Variants in HUWE1 observed in about 807,000 individuals in gnomAD.
The protein encoded by HUWE1 is HECT, UBA and WWE domain containing E3 ubiquitin protein ligase 1, also known as E3 ubiquitin-protein ligase HUWE1.
In HUWE1, 18 loss-of-function variants were observed where a neutral mutation model predicts 299.4. That is an observed-to-expected ratio of 0.06 (90% CI 0.04 to 0.09). HUWE1 has a LOEUF of 0.09. Ranked by LOEUF, HUWE1 falls within the 10% of genes least tolerant of loss-of-function variation. The pLI, the probability that HUWE1 is intolerant of heterozygous loss-of-function variation, is 1.00. For missense variants in HUWE1, 1,832 were observed against 3,462.3 expected, an observed-to-expected ratio of 0.53 and a Z score of 11.82; for synonymous variants, 1,317 against 1,286.1, an observed-to-expected ratio of 1.02 and a Z score of -0.51.
intron 19 of HUWE1, among the ~76,000 whole-genome samples, chrX:53,618,659 G>A (rs1557009748): frequency 9.3e-6 from 1 of 107,890 alleles, no homozygotes; most frequent in African/African-American, 3.4e-5. Context: ...CCACCTCCTG[G>A]GTTCAAGCAA....
intron 27 of HUWE1, 101 bp downstream of exon 27, chrX:53,603,267 T>A: frequency 1.2e-6 from 1 of 848,734 alleles, no homozygotes; most frequent in Non-Finnish European, 1.7e-6. Context: ...CAAGGAGGCC[T>A]CTGAACTCTC....
At chrX:53,573,703 T>C (rs782778946) in intron 47 of HUWE1, 47 bp downstream of exon 47, 3 of 1,047,365 alleles carry the variant, frequency 2.9e-6, no homozygotes, top group South Asian at 3.8e-5. Context: ...GGTACCCAAA[T>C]GATGGAAGTA....
chrX:53,577,208 T>C (rs1556959668), intron 43 of HUWE1, 141 bp from the exon 44 acceptor site: 3 of 505,139 alleles, frequency 5.9e-6, no homozygotes, highest in East Asian at 3.6e-5. Context: ...TCAAGTACTC[T>C]ACTATAAAAC....
intron 35 of HUWE1, 61 bp from the exon 36 acceptor site, chrX:53,589,877 G>C: frequency 3.7e-6 from 4 of 1,088,633 alleles, no homozygotes; most frequent in Non-Finnish European, 5.0e-6. Flanking sequence ...AAAGATAAGA[G>C]AGACTCTGAG....
chrX:53,585,057 A>G lies in HUWE1; in HGVS notation c.4956T>C (p.Thr1652=). 8.3e-7 allele frequency: 1 copy of G among 1,211,972 alleles called. No homozygotes were observed. The highest frequency in any genetic ancestry group is 1.7e-5 in the African/African-American group (1 of 57,828). ...WKSGETSVRF[T]AGRRRYTVQF... ...GGACCGTGTATCTTCTTCGGCCTGC[A>G]GTGAATCGCACGCTTGTCTCTCCAG... The change falls in exon 40 of 84, where the codon ACT becomes ACC. Residue 1652 remains threonine (T), a synonymous_variant. Transcript: ENST00000262854.
chrX:53,603,424 T>C lies in HUWE1; in HGVS notation c.2820A>G (p.Leu940=), dbSNP rs782009607. 19 of 1,208,204 alleles carry C rather than the reference T, an allele frequency of 1.6e-5. No homozygotes were observed. Among genetic ancestry groups the C allele is most frequent in the Middle Eastern group, 2.3e-4 (1 of 4,344 alleles). ...GLSVLSKLSQ[L]YCSLVWESTV... Reference sequence around the variant, plus strand: ...TGCTTTCCCACACCAGGGAACAGTATAACTGGCTCAGCTTGCTCAAAACAC... The same window carrying C: ...TGCTTTCCCACACCAGGGAACAGTACAACTGGCTCAGCTTGCTCAAAACAC... Residue 940 remains leucine (L), a synonymous_variant, in exon 27 of 84, where the codon TTA becomes TTG. Coordinates refer to ENST00000262854, the MANE Select transcript of HUWE1 (RefSeq NM_031407.7).
At chrX:53,668,417 G>A (rs2069356527) in intron 3 of HUWE1, among the ~76,000 whole-genome samples, 1 of 102,168 alleles carries the variant, frequency 9.8e-6, no homozygotes, top group African/African-American at 3.7e-5. Context: ...CCTCCAGCCT[G>A]AGTGACAAAG....
chrX:53,624,728 G>A, intron 18 of HUWE1, 53 bp from the exon 19 acceptor site: 1 of 871,630 alleles, frequency 1.1e-6, no homozygotes, highest in Non-Finnish European at 1.7e-6. Flanking sequence ...AAAGGTGTGA[G>A]GAGTGGGGAT....
intron 49 of HUWE1, 72 bp from the exon 50 acceptor site, chrX:53,565,311 A>C (rs145257079): frequency 3.3e-6 from 3 of 903,471 alleles, no homozygotes; most frequent in Non-Finnish European, 4.7e-6. Context: ...AATGACACTA[A>C]GCTTCTTACA....
intron 32 of HUWE1, among the ~76,000 whole-genome samples, chrX:53,592,934 G>C (rs782271281): frequency 4.5e-5 from 5 of 111,536 alleles, no homozygotes; most frequent in African/African-American, 1.6e-4. Flanking sequence ...TAGTGAGTTA[G>C]TGTGTACCAC....
At chrX:53,631,963 T>C (rs2066906186) in intron 9 of HUWE1, 2 of 319,903 alleles carry the variant, frequency 6.3e-6, no homozygotes, top group South Asian at 7.0e-5. Context: ...TCTCTGAATA[T>C]GTATTAGAGT....
intron 30 of HUWE1, 40 bp downstream of exon 30, chrX:53,595,147 T>C (rs1416535872): frequency 9.2e-6 from 10 of 1,082,414 alleles, no homozygotes; most frequent in East Asian, 3.0e-5. Flanking sequence ...ATATTTTTTA[T>C]TGTAACTTTC....
chrX:53,570,059 C>T (rs1255993971), intron 47 of HUWE1, among the ~76,000 whole-genome samples: 4 of 112,538 alleles, frequency 3.6e-5, no homozygotes, highest in Middle Eastern at 4.6e-3. Context: ...ACAGCTTATA[C>T]ACTGTTATGT....
chrX:53,553,326 T>G (rs2061850741), intron 61 of HUWE1, among the ~76,000 whole-genome samples: 1 of 108,529 alleles, frequency 9.2e-6, no homozygotes, highest in Non-Finnish European at 1.9e-5. Context: ...GTATTTTTAG[T>G]AGAGATGGGG....
rs782548176 is a variant in HUWE1 at position 53,589,562 on chromosome X, C to T, written c.4446G>A (p.Lys1482=). The T allele has an allele frequency of 1.1e-5, 13 of 1,209,753 alleles. No individual in the cohort carries two copies. The highest frequency in any genetic ancestry group is 1.3e-5 in the Non-Finnish European group (12 of 894,973). The change falls in exon 36 of 84, where the codon AAG becomes AAA. Residue 1482 remains lysine, a synonymous_variant. Coordinates refer to ENST00000262854, the MANE Select transcript of HUWE1 (RefSeq NM_031407.7). ...GAGAGCTCACCTGATTGACTACTTG[C>T]TTCAGAATCATGTCACGATAATCTG... is the stretch of plus-strand genomic sequence containing the variant. ...NGADYRDMIL[K]QVVNQVWEAA...
chrX:53,558,643 C>T lies in HUWE1; in HGVS notation c.8160+12G>A. 1 of 1,207,662 alleles carries T rather than the reference C, an allele frequency of 8.3e-7. No homozygotes were observed. Among genetic ancestry groups the T allele is most frequent in the South Asian group, 1.8e-5 (1 of 56,921 alleles). On this transcript the variant is annotated intron_variant, in intron 59 of 83. Transcript: ENST00000262854. ...CAGTCAAAGATGAATCCTCCCAGCC[C>T]TTGGGAATCACCTGTGCACTCTGAT...
At chrX:53,675,427 G>C (rs1340463583) in intron 3 of HUWE1, among the ~76,000 whole-genome samples, 1 of 111,754 alleles carries the variant, frequency 8.9e-6, no homozygotes, top group African/African-American at 3.3e-5. Flanking sequence ...AATTAGGAAA[G>C]CTGTGAGAAA....
At chrX:53,684,370 G>T (rs781829767) in intron 2 of HUWE1, among the ~76,000 whole-genome samples, 6 of 111,923 alleles carry the variant, frequency 5.4e-5, no homozygotes, top group Non-Finnish European at 1.1e-4. Context: ...AGTTTTTCGG[G>T]GGAAGGGAGG....
chrX:53,557,048 T>G (rs1403607024), intron 60 of HUWE1: 1 of 328,581 alleles, frequency 3.0e-6, no homozygotes, highest in Non-Finnish European at 5.6e-6. Context: ...ACTTCAAAGA[T>G]GTACATGAAC....
Sources: allele counts gnomAD v4.1 joint callset (sites outside exome capture counted in the v4.1 genomes callset), GRCh38; gene constraint gnomAD v4.1.1; transcripts MANE v1.5; gene names NCBI Gene and HGNC (gene_info 2026-07-23, HGNC 2026-07-21).